The following PLGRKT variants were observed in gnomAD, a reference collection of about 807,000 sequenced individuals.
PLGRKT encodes plasminogen receptor with a C-terminal lysine.
Under a neutral mutation model 18.5 loss-of-function variants are expected in PLGRKT, and 22 were observed. That is an observed-to-expected ratio of 1.19 (90% CI 0.85 to 1.70). The LOEUF is 1.70. Ranked by LOEUF, PLGRKT falls within the 40% of genes most tolerant of loss-of-function variation. The probability of loss-of-function intolerance (pLI) is 0.00; values close to 1 mark genes in which losing one functional copy is unlikely to be tolerated. For missense variants in PLGRKT, 235 were observed against 174.4 expected (o/e 1.35, Z -1.96); for synonymous variants, 72 against 52.8 (o/e 1.36, Z -1.58).
chr9:5,380,775 A>G (rs1817727117), intron 3 of PLGRKT, among the ~76,000 whole-genome samples: 1 of 152,232 alleles, frequency 6.6e-6, no homozygotes. Flanking sequence ...TAATAGATAC[A>G]AAATAAATAT....
At chr9:5,430,408 T>G (rs1472768426) in intron 3 of PLGRKT, among the ~76,000 whole-genome samples, 16 of 152,202 alleles carry the variant, frequency 1.1e-4, no homozygotes, top group Non-Finnish European at 1.6e-4. Context: ...AATAATTCAG[T>G]TGTCCATTCT....
rs1489233939 is a variant in PLGRKT at position 5,361,203 on chromosome 9, AAAG to A, written c.213-19_213-17del. On this transcript the variant is annotated splice_polypyrimidine_tract_variant and intron_variant, in intron 4 of 5. Coordinates refer to ENST00000223864, the MANE Select transcript of PLGRKT (RefSeq NM_018465.4). ...TTTAATCGCTCTGTTTCAAGAATTA[AAAG>A]AAGAACCAATATCAAAAAATAACCT... 6.9e-7 allele frequency: 1 copy of A among 1,459,126 alleles called. No individual in the cohort carries two copies. Among genetic ancestry groups the A allele is most frequent in the Non-Finnish European group, 9.5e-7 (1 of 1,048,354 alleles). The allele number at this position is 1,459,126 out of a possible 1,614,324, so 90.4% of individuals were successfully genotyped here.
At chr9:5,411,088 A>C (rs540017968) in intron 3 of PLGRKT, among the ~76,000 whole-genome samples, 16 of 152,174 alleles carry the variant, frequency 1.1e-4, no homozygotes. Flanking sequence ...AGCAGACAAG[A>C]AAAGATGGAA....
intron 3 of PLGRKT, among the ~76,000 whole-genome samples, chr9:5,410,428 G>A (rs916374780): frequency 4.0e-5 from 6 of 151,360 alleles, no homozygotes; most frequent in Non-Finnish European, 5.9e-5. Flanking sequence ...GGAGGCAGAG[G>A]TTGCAGTGAG....
chr9:5,435,086 A>G (rs1200600236), intron 2 of PLGRKT, among the ~76,000 whole-genome samples: 2 of 151,810 alleles, frequency 1.3e-5, no homozygotes, highest in Non-Finnish European at 2.9e-5. Flanking sequence ...GGGTGGTGCA[A>G]GATGTGCTTT....
chr9:5,380,519 A>G (rs1470293235), intron 3 of PLGRKT, among the ~76,000 whole-genome samples: 1 of 152,154 alleles, frequency 6.6e-6, no homozygotes, highest in Non-Finnish European at 1.5e-5. Flanking sequence ...CTATCATCAA[A>G]TATCATTTTC....
intron 3 of PLGRKT, among the ~76,000 whole-genome samples, chr9:5,383,413 C>G (rs1817782769): frequency 6.6e-6 from 1 of 152,122 alleles, no homozygotes; most frequent in South Asian, 2.1e-4. Flanking sequence ...CTTTTTGGCA[C>G]CAGGGACCAG....
chr9:5,386,896 C>T (rs960311662), intron 3 of PLGRKT, among the ~76,000 whole-genome samples: 1 of 151,942 alleles, frequency 6.6e-6, no homozygotes, highest in African/African-American at 2.4e-5. Flanking sequence ...GCCCAGACAA[C>T]CCCTCAACTA....
chr9:5,371,675 A>C (rs1233391356), intron 3 of PLGRKT, among the ~76,000 whole-genome samples: 2 of 152,114 alleles, frequency 1.3e-5, no homozygotes, highest in Non-Finnish European at 2.9e-5. Context: ...ATTATCTAAA[A>C]TTCTTGAAAG....
intron 3 of PLGRKT, among the ~76,000 whole-genome samples, chr9:5,394,656 A>C (rs1415832298): frequency 6.6e-6 from 1 of 151,550 alleles, no homozygotes; most frequent in East Asian, 1.9e-4. Context: ...CAGGTGATCC[A>C]CCTGCCTCAG....
chr9:5,419,698 G>A (rs1818537102), intron 3 of PLGRKT, among the ~76,000 whole-genome samples: 1 of 151,026 alleles, frequency 6.6e-6, no homozygotes, highest in Non-Finnish European at 1.5e-5. Flanking sequence ...TAGAATTTGG[G>A]GGGAAAAAAA....
intron 3 of PLGRKT, among the ~76,000 whole-genome samples, chr9:5,367,528 C>G (rs2224577): frequency 0.75 from 113,707 of 152,026 alleles, 43,417 homozygotes; most frequent in African/African-American, 0.91. Context: ...GGGATAACTT[C>G]CTAGCTATAT....
intron 3 of PLGRKT, among the ~76,000 whole-genome samples, chr9:5,389,090 T>G (rs879708974): frequency 6.6e-6 from 1 of 151,898 alleles, no homozygotes; most frequent in Admixed American, 6.6e-5. Context: ...CATGGACTTG[T>G]GTTAGATATT....
intron 1 of PLGRKT, among the ~76,000 whole-genome samples, chr9:5,437,440 T>A (rs1029379122): frequency 6.6e-6 from 1 of 151,822 alleles, no homozygotes; most frequent in Non-Finnish European, 1.5e-5. Context: ...CTTCCGGAGG[T>A]TTTCTGTAAT....
At chr9:5,394,352 G>A (rs531375826) in intron 3 of PLGRKT, among the ~76,000 whole-genome samples, 15 of 151,970 alleles carry the variant, frequency 9.9e-5, no homozygotes, top group South Asian at 8.3e-4. Context: ...AATGAAGAAC[G>A]AGGGAGAAAA....
chr9:5,387,581 C>T (rs900577218), intron 3 of PLGRKT, among the ~76,000 whole-genome samples: 2 of 151,594 alleles, frequency 1.3e-5, no homozygotes, highest in African/African-American at 2.4e-5. Flanking sequence ...ATATAAGGAG[C>T]GTTAAAATAG....
intron 3 of PLGRKT, among the ~76,000 whole-genome samples, chr9:5,371,914 T>C (rs1817525262): frequency 6.6e-6 from 1 of 151,554 alleles, no homozygotes; most frequent in Non-Finnish European, 1.5e-5. Context: ...CTAAGTATTA[T>C]ACTCTATAAT....
At chr9:5,405,398 A>C (rs1468512357) in intron 3 of PLGRKT, among the ~76,000 whole-genome samples, 1 of 152,212 alleles carries the variant, frequency 6.6e-6, no homozygotes, top group African/African-American at 2.4e-5. Context: ...TGGTACTGGT[A>C]TTTTTAAAAT....
chr9:5,368,376 A>G (rs923933715), intron 3 of PLGRKT, among the ~76,000 whole-genome samples: 11 of 152,358 alleles, frequency 7.2e-5, no homozygotes, highest in Admixed American at 6.5e-4. Flanking sequence ...CGTGGTACAT[A>G]TACATCATGG....
Sources: gnomAD v4.1 joint callset for allele counts (sites outside exome capture counted in the v4.1 genomes callset) on GRCh38, gnomAD v4.1.1 for gene constraint, MANE v1.5 for transcripts, NCBI Gene and HGNC (gene_info 2026-07-23, HGNC 2026-07-21) for gene names.